The following ZNF292 variants were observed in gnomAD, a reference collection of about 807,000 sequenced individuals.
ZNF292 encodes zinc finger protein 292.
A neutral mutation model predicts 217.9 loss-of-function variants in ZNF292; 26 were observed. That is an observed-to-expected ratio of 0.12 (90% CI 0.09 to 0.17). The LOEUF is 0.17. Ranked by LOEUF, ZNF292 falls within the 10% of genes least tolerant of loss-of-function variation. The probability of loss-of-function intolerance (pLI) is 1.00; values close to 1 mark genes in which losing one functional copy is unlikely to be tolerated. For synonymous variants in ZNF292, 1,257 were observed against 1,124.1 expected (o/e 1.12, Z -2.37); for missense variants, 2,904 against 3,175.2 (o/e 0.91, Z 2.05).
intron 1 of ZNF292, among the ~76,000 whole-genome samples, chr6:87,196,681 T>C (rs1398418697): frequency 1.6e-5 from 2 of 129,010 alleles, no homozygotes; most frequent in Admixed American, 7.3e-5. Context: ...GGGACTGTTA[T>C]TTATACTGTG....
intron 5 of ZNF292, among the ~76,000 whole-genome samples, chr6:87,242,657 G>C (rs1479591601): frequency 6.6e-6 from 1 of 152,028 alleles, no homozygotes; most frequent in Non-Finnish European, 1.5e-5. Flanking sequence ...CTATTCTGTG[G>C]AACACTGGTA....
At chr6:87,159,712 G>C (rs1770666099) in intron 1 of ZNF292, among the ~76,000 whole-genome samples, 1 of 151,600 alleles carries the variant, frequency 6.6e-6, no homozygotes, top group South Asian at 2.1e-4. Flanking sequence ...TTGTTGGTCA[G>C]GCTGGTTCCG....
At chr6:87,238,871 G>C (rs183274400) in intron 5 of ZNF292, among the ~76,000 whole-genome samples, 385 of 151,562 alleles carry the variant, frequency 2.5e-3, no homozygotes, top group African/African-American at 8.9e-3. Flanking sequence ...AGATTAGGGA[G>C]TGGTGATGAC....
chr6:87,174,549 A>G (rs1771219582), intron 1 of ZNF292, among the ~76,000 whole-genome samples: 1 of 152,122 alleles, frequency 6.6e-6, no homozygotes, highest in Admixed American at 6.6e-5. Flanking sequence ...TTTTCTTCCT[A>G]AACTGGTGTT....
chr6:87,219,764 A>AT (rs1293026697), intron 4 of ZNF292, among the ~76,000 whole-genome samples: 3 of 152,234 alleles, frequency 2.0e-5, no homozygotes, highest in African/African-American at 7.2e-5. Flanking sequence ...ATATCCAAAA[A>AT]TTAGCTACAG....
At chr6:87,188,435 C>T (rs1291581861) in intron 1 of ZNF292, among the ~76,000 whole-genome samples, 2 of 152,082 alleles carry the variant, frequency 1.3e-5, no homozygotes, top group African/African-American at 2.4e-5. Flanking sequence ...TTATAAGCCT[C>T]TATGCTTTGT....
chr6:87,259,151 T>C lies in ZNF292; in HGVS notation c.5522T>C (p.Leu1841Ser), dbSNP rs1232504691. 1 of 1,613,390 alleles carries C rather than the reference T, an allele frequency of 6.2e-7. No individual in the cohort carries two copies. The highest frequency in any genetic ancestry group is 1.7e-5 in the Admixed American group (1 of 59,882). ...AAGGAGGATCAAATACAGGAAATTTTAGAAGGCTTACAGAAATTAAAATTA... is the reference window on the plus strand; with the variant it reads ...AAGGAGGATCAAATACAGGAAATTTCAGAAGGCTTACAGAAATTAAAATTA... Reference protein sequence around the residue: ...SHKEDQIQEILEGLQKLKLEN... With the variant: ...SHKEDQIQEISEGLQKLKLEN... The change falls in exon 8 of 8, where the codon TTA becomes TCA. Residue 1841 changes from leucine to serine, a missense_variant. Physicochemically the swap from Leu to Ser is moderately radical, Grantham distance 145. This residue lies in a region of ZNF292 where 622 missense variants were observed against 573.1 expected (regional missense o/e 1.09). Transcript: ENST00000369577.
At chr6:87,188,341 G>A (rs1189322383) in intron 1 of ZNF292, among the ~76,000 whole-genome samples, 6 of 152,168 alleles carry the variant, frequency 3.9e-5, no homozygotes, top group Admixed American at 6.5e-5. Context: ...GATACCTTGA[G>A]CAAAGAGAAA....
intron 1 of ZNF292, among the ~76,000 whole-genome samples, chr6:87,202,063 A>G (rs1772115690): frequency 6.6e-6 from 1 of 152,184 alleles, no homozygotes; most frequent in African/African-American, 2.4e-5. Context: ...GGCCTTTTGA[A>G]TGATTTTTAG....
intron 1 of ZNF292, among the ~76,000 whole-genome samples, chr6:87,182,358 T>C (rs1482677815): frequency 6.6e-6 from 1 of 152,210 alleles, no homozygotes; most frequent in Non-Finnish European, 1.5e-5. Flanking sequence ...ATTATCATGC[T>C]TGGTAGCTTA....
At chr6:87,243,729 T>C in intron 6 of ZNF292, 118 bp downstream of exon 6, 1 of 975,670 alleles carries the variant, frequency 1.0e-6, no homozygotes, top group Non-Finnish European at 1.4e-6. Context: ...AAAAGGCTTA[T>C]ATTTAGATAT....
At chr6:87,195,756 G>A (rs1771937563) in intron 1 of ZNF292, among the ~76,000 whole-genome samples, 1 of 152,082 alleles carries the variant, frequency 6.6e-6, no homozygotes, top group Non-Finnish European at 1.5e-5. Context: ...GGCAGGGCGT[G>A]GTGGCTCACA....
At chr6:87,188,934 G>T (rs1008779601) in intron 1 of ZNF292, among the ~76,000 whole-genome samples, 1 of 152,036 alleles carries the variant, frequency 6.6e-6, no homozygotes, top group Non-Finnish European at 1.5e-5. Flanking sequence ...GCCAGGCACC[G>T]TGGCTCTTGC....
intron 4 of ZNF292, chr6:87,222,746 C>T (rs1773147791): frequency 4.5e-6 from 2 of 446,988 alleles, no homozygotes; most frequent in South Asian, 3.2e-5. Flanking sequence ...TTAGTTTTTA[C>T]CTAATGTCCT....
At chr6:87,213,030 A>G (rs1219629076) in intron 1 of ZNF292, among the ~76,000 whole-genome samples, 1 of 152,238 alleles carries the variant, frequency 6.6e-6, no homozygotes, top group Non-Finnish European at 1.5e-5. Flanking sequence ...AATAGGAGAA[A>G]TGGCATACAG....
At chr6:87,161,055 A>G (rs1770737635) in intron 1 of ZNF292, among the ~76,000 whole-genome samples, 1 of 152,172 alleles carries the variant, frequency 6.6e-6, no homozygotes, top group Non-Finnish European at 1.5e-5. Context: ...GTCCAGGTAA[A>G]TGATATTCAA....
intron 4 of ZNF292, among the ~76,000 whole-genome samples, chr6:87,232,729 CTT>C (rs1312655195): frequency 0.053 from 1,434 of 26,930 alleles, 19 homozygotes; most frequent in African/African-American, 0.36. Flanking sequence ...AAGTTTTATC[CTT>C]TGGCGAAGTT....
At position 87,248,003 on chromosome 6, in the gene ZNF292, T is replaced by C. The variant is rs193026240; in HGVS notation, c.1020+2359T>C. On this transcript the variant is annotated intron_variant, in intron 7 of 7. Coordinates refer to ENST00000369577, the MANE Select transcript of ZNF292 (RefSeq NM_015021.3). ...ATATGTGCTTCCACTTATTTTTTAC[T>C]ATTAAGTATTAATAAATCAGAACTC... Among the ~76,000 whole-genome samples, 137 of 152,342 alleles carry C rather than the reference T, an allele frequency of 9.0e-4. 2 individuals are homozygous for C. The East Asian group carries it at 0.019, about 21-fold the overall frequency.
intron 1 of ZNF292, among the ~76,000 whole-genome samples, chr6:87,177,926 T>C (rs1009711506): frequency 2.4e-4 from 37 of 152,190 alleles, no homozygotes; most frequent in African/African-American, 8.7e-4. Context: ...TCCTAACTGA[T>C]TGGCACCATA....
Sources: allele counts gnomAD v4.1 joint callset (sites outside exome capture counted in the v4.1 genomes callset), GRCh38; gene constraint gnomAD v4.1.1; regional missense constraint gnomAD v4.1.1; transcripts MANE v1.5; gene names NCBI Gene and HGNC (gene_info 2026-07-23, HGNC 2026-07-21).